The following ABCB5 variants were observed in gnomAD, a reference collection of about 807,000 sequenced individuals.
ABCB5 encodes ATP-binding cassette sub-family B member 5.
A neutral mutation model predicts 144.2 loss-of-function variants in ABCB5; 155 were observed. The ratio of observed to expected loss-of-function variants is 1.08; its 90% CI spans 0.94 to 1.23. ABCB5 has a LOEUF of 1.23. Ranked by LOEUF, ABCB5 falls within the 50% of genes most tolerant of loss-of-function variation. ABCB5 has a pLI of 0.00. For missense variants in ABCB5, 1,830 were observed against 1,520.8 expected, an observed-to-expected ratio of 1.20 and a Z score of -3.38; for synonymous variants, 610 against 528.6, an observed-to-expected ratio of 1.15 and a Z score of -2.11.
chr7:20,623,780 G>A (rs889326191), intron 2 of ABCB5, among the ~76,000 whole-genome samples: 1 of 152,104 alleles, frequency 6.6e-6, no homozygotes, highest in Non-Finnish European at 1.5e-5. Flanking sequence ...TCTACACGTG[G>A]AATTCATTAA....
chr7:20,670,242 G>A (rs1785419091), intron 14 of ABCB5, among the ~76,000 whole-genome samples: 1 of 152,132 alleles, frequency 6.6e-6, no homozygotes, highest in Admixed American at 6.5e-5. Context: ...ATGGAGTTTA[G>A]ATAATGATGT....
In ABCB5 at chr7:20,650,209, C is replaced by CACCTAA. The variant is rs1209744448; in HGVS notation, c.1332+62_1332+63insACCTAA. On this transcript the variant is annotated intron_variant, in intron 12 of 27. Coordinates refer to ENST00000404938, the MANE Select transcript of ABCB5 (RefSeq NM_001163941.2). ...AATGGAATCTGGAAACACCGCAGGG[C>CACCTAA]TGGCAGCTCTGTAACTTTTCATTTT... 1.9e-6 allele frequency: 3 copies of CACCTAA among 1,571,328 alleles called. No homozygotes were observed. The African/African-American group carries it at 4.1e-5, about 21-fold the overall frequency.
At chr7:20,641,724 T>G (rs977523661) in intron 5 of ABCB5, 11 of 152,796 alleles carry the variant, frequency 7.2e-5, no homozygotes. Flanking sequence ...GCAAGAATCA[T>G]GAAAGGTACT....
intron 16 of ABCB5, among the ~76,000 whole-genome samples, chr7:20,693,590 A>G (rs1253011976): frequency 6.6e-6 from 1 of 152,156 alleles, no homozygotes; most frequent in African/African-American, 2.4e-5. Flanking sequence ...ATGTATAGGA[A>G]GCTTAAAGTG....
At chr7:20,655,314 A>G (rs1784746794) in intron 13 of ABCB5, among the ~76,000 whole-genome samples, 1 of 152,150 alleles carries the variant, frequency 6.6e-6, no homozygotes, top group Admixed American at 6.6e-5. Context: ...TCTACTAAAA[A>G]TACAAAAAAT....
At chr7:20,724,265 G>A (rs374626453) in intron 21 of ABCB5, among the ~76,000 whole-genome samples, 1 of 151,742 alleles carries the variant, frequency 6.6e-6, no homozygotes, top group Admixed American at 6.6e-5. Context: ...CTTGGTAGAG[G>A]TCCAAAATCT....
At chr7:20,621,761 T>C (rs1447056506) in intron 1 of ABCB5, among the ~76,000 whole-genome samples, 1 of 152,156 alleles carries the variant, frequency 6.6e-6, no homozygotes, top group Non-Finnish European at 1.5e-5. Flanking sequence ...AATAATAAAG[T>C]AATAAAATCA....
intron 14 of ABCB5, chr7:20,659,232 C>T: frequency 6.4e-7 from 1 of 1,559,276 alleles, no homozygotes; most frequent in South Asian, 1.2e-5. Context: ...TGGCCCTGCA[C>T]CAAATTACAC....
chr7:20,744,012 G>A (rs760918335), intron 25 of ABCB5, among the ~76,000 whole-genome samples: 6 of 151,924 alleles, frequency 3.9e-5, no homozygotes, highest in East Asian at 1.9e-4. Context: ...CACTCCCCAC[G>A]TCATCATGCA....
intron 14 of ABCB5, among the ~76,000 whole-genome samples, chr7:20,674,377 T>C (rs1785540690): frequency 1.3e-5 from 2 of 151,906 alleles, no homozygotes; most frequent in South Asian, 2.1e-4. Context: ...TTCCTTGATA[T>C]AGAGTTTTAG....
chr7:20,620,392 C>G (rs192810493), intron 1 of ABCB5, among the ~76,000 whole-genome samples: 1 of 151,878 alleles, frequency 6.6e-6, no homozygotes, highest in African/African-American at 2.4e-5. Flanking sequence ...ACAATAAAAA[C>G]GTAGATAATT....
At chr7:20,705,987 C>T (rs888654055) in intron 20 of ABCB5, among the ~76,000 whole-genome samples, 6 of 152,080 alleles carry the variant, frequency 3.9e-5, no homozygotes, top group Non-Finnish European at 8.8e-5. Context: ...GCATCTTCAT[C>T]TCTTCCTGAA....
At chr7:20,649,456 C>G (rs1191534365) in intron 11 of ABCB5, among the ~76,000 whole-genome samples, 1 of 152,080 alleles carries the variant, frequency 6.6e-6, no homozygotes, top group African/African-American at 2.4e-5. Context: ...CATTGCAGGT[C>G]CCTGGCACAC....
chr7:20,723,237 A>C lies in ABCB5; in HGVS notation c.2625+18A>C. On this transcript the variant is annotated intron_variant, in intron 21 of 27. Coordinates refer to ENST00000404938, the MANE Select transcript of ABCB5 (RefSeq NM_001163941.2). ...CTGGAAAGGTAAAATGAAGACTGTTATCACCATCGTAACATTTAAAGAGAA... is the reference window on the plus strand; with the variant it reads ...CTGGAAAGGTAAAATGAAGACTGTTCTCACCATCGTAACATTTAAAGAGAA... 1.2e-6 allele frequency: 2 copies of C among 1,611,206 alleles called. No homozygotes were observed. Among genetic ancestry groups the C allele is most frequent in the Non-Finnish European group, 1.7e-6 (2 of 1,177,852 alleles).
chr7:20,629,553 G>A (rs1783987062), intron 4 of ABCB5, among the ~76,000 whole-genome samples: 2 of 152,088 alleles, frequency 1.3e-5, no homozygotes, highest in Admixed American at 6.6e-5. Context: ...CCTGAGGTCA[G>A]GAGTTCGATA....
intron 3 of ABCB5, 110 bp downstream of exon 3, chr7:20,626,721 G>A: frequency 8.2e-5 from 66 of 807,162 alleles, no homozygotes; most frequent in South Asian, 5.7e-4. Context: ...TGGGAAAGAG[G>A]GAACTAAAAT....
intron 23 of ABCB5, among the ~76,000 whole-genome samples, chr7:20,736,948 G>C (rs1782398053): frequency 6.6e-6 from 1 of 152,148 alleles, no homozygotes; most frequent in Non-Finnish European, 1.5e-5. Context: ...CCAGCACTTT[G>C]GGAGGCCGAG....
intron 14 of ABCB5, among the ~76,000 whole-genome samples, chr7:20,681,092 CTTT>C (rs1562559291): frequency 2.9e-5 from 2 of 69,920 alleles, no homozygotes; most frequent in Admixed American, 1.9e-4. Flanking sequence ...TTCTTTCTTT[CTTT>C]CTTTCTTTCT....
In ABCB5 at chr7:20,632,077, C is replaced by G; in HGVS notation, c.278C>G (p.Thr93Ser). ...QTNTTNYQNC[T>S]QSQEKLNEDM... ...TTTACAGCAAATTATCAGAACTGTA[C>G]TCAGTCTCAAGAGAAGCTGAATGAA... The change falls in exon 5 of 28, where the codon ACT (threonine) becomes AGT (serine). Residue 93 changes from threonine (T) to serine (S), a missense_variant. Physicochemically the swap from Thr to Ser is moderately conservative, Grantham distance 58. Transcript: ENST00000404938. The G allele has an allele frequency of 6.6e-7, 1 of 1,524,184 alleles. No individual in the cohort carries two copies. The highest frequency in any genetic ancestry group is 1.4e-5 in the African/African-American group (1 of 71,844). The allele number at this position is 1,524,184 out of a possible 1,614,324, so 94.4% of individuals were successfully genotyped here.
Sources: gnomAD v4.1 joint callset for allele counts (sites outside exome capture counted in the v4.1 genomes callset) on GRCh38, gnomAD v4.1.1 for gene constraint, MANE v1.5 for transcripts, NCBI Gene and HGNC (gene_info 2026-07-23, HGNC 2026-07-21) for gene names.